Variants in PLAGL2 observed in about 807,000 individuals in gnomAD.
PLAGL2 encodes the protein zinc finger protein PLAGL2.
PLAGL2 carries 7 observed loss-of-function variants against 29.0 expected under a neutral mutation model. That is an observed-to-expected ratio of 0.24 (90% CI 0.14 to 0.45). The LOEUF (loss-of-function observed/expected upper bound fraction) is 0.45. PLAGL2 is among the 20% of genes least tolerant of loss of function. The pLI is 0.99. For missense variants in PLAGL2, 454 were observed against 648.2 expected (o/e 0.70, Z 3.25); for synonymous variants, 234 against 266.0 (o/e 0.88, Z 1.17).
chr20:32,197,959 T>A lies in PLAGL2; in HGVS notation c.261-277A>T, dbSNP rs908014478. On this transcript the variant is annotated intron_variant, in intron 2 of 2. Transcript: ENST00000246229. This position sits in a 1 kb window ranked among gnomAD's most constrained non-coding sequence, Gnocchi z 6.6. ...TCAATAGGGAACTGGTTACATAAAT[T>A]ATGATAAGTCCATAAAATGACTCAA... Among the ~76,000 whole-genome samples, 3 of 152,164 alleles carry A rather than the reference T, an allele frequency of 2.0e-5. No individual in the cohort carries two copies. The highest frequency in any genetic ancestry group is 7.2e-5 in the African/African-American group (3 of 41,428).
At chr20:32,198,930 T>G (rs1003915369) in intron 2 of PLAGL2, among the ~76,000 whole-genome samples, 2 of 152,176 alleles carry the variant, frequency 1.3e-5, no homozygotes, top group Non-Finnish European at 2.9e-5. Flanking sequence ...AAGAAATGTT[T>G]TAATGGTATG....
intron 1 of PLAGL2, among the ~76,000 whole-genome samples, chr20:32,203,446 G>A (rs1346595837): frequency 6.6e-6 from 1 of 152,192 alleles, no homozygotes; most frequent in African/African-American, 2.4e-5. Context: ...CTCAAAAGGG[G>A]ACAAGAGACC....
In PLAGL2 at chr20:32,195,299, C is replaced by T. The variant is rs1360711926; in HGVS notation, c.*1153G>A. On this transcript the variant is annotated 3_prime_UTR_variant, in exon 3 of 3. Transcript: ENST00000246229. ...ATTCCACAACTTCCCGGAAAAGGGA[C>T]AGGTGGGAGGAAGACCAATGAGGGG... is the stretch of plus-strand genomic sequence containing the variant. The T allele has an allele frequency of 4.6e-5, 7 of 152,692 alleles. No homozygotes were observed. Among genetic ancestry groups the T allele is most frequent in the African/African-American group, 1.4e-4 (6 of 41,454 alleles). 9.5% of individuals were successfully genotyped at this position (152,692 alleles called of 1,614,324 possible).
At chr20:32,199,460 A>G (rs2047247647) in intron 2 of PLAGL2, among the ~76,000 whole-genome samples, 3 of 152,200 alleles carry the variant, frequency 2.0e-5, no homozygotes, top group Admixed American at 2.0e-4. Flanking sequence ...ACAGTAAATT[A>G]TATGTGATGA....
chr20:32,197,792 G>A lies in PLAGL2; in HGVS notation c.261-110C>T. 1.1e-6 allele frequency: 1 copy of A among 877,988 alleles called. No individual in the cohort carries two copies. The highest frequency in any genetic ancestry group is 2.4e-5 in the East Asian group (1 of 40,936). 54.4% of individuals were successfully genotyped at this position (877,988 alleles called of 1,614,324 possible). ...ACAGGAAACTAGATATAAAAACCAT[G>A]GTAAAGGCTTGCAATGCAATACCAA... On this transcript the variant is annotated intron_variant, in intron 2 of 2. Coordinates refer to ENST00000246229, the MANE Select transcript of PLAGL2 (RefSeq NM_002657.3). This position sits in a 1 kb window ranked among gnomAD's most constrained non-coding sequence, Gnocchi z 6.6.
At chr20:32,199,513 G>A (rs73903569) in intron 2 of PLAGL2, among the ~76,000 whole-genome samples, 4 of 152,238 alleles carry the variant, frequency 2.6e-5, no homozygotes, top group East Asian at 1.9e-4. Flanking sequence ...TCCTGCAGCC[G>A]CCCACTGGCA....
Position 32,201,651 on chromosome 20 carries a change from A to G in PLAGL2, c.260+268T>C, listed in dbSNP as rs1336134395. ...GACATTGGCACCCAGATCGTCACTAAGAAGGTGTAAGAAGGCCAGGTGCAG... is the reference window on the plus strand; with the variant it reads ...GACATTGGCACCCAGATCGTCACTAGGAAGGTGTAAGAAGGCCAGGTGCAG... On this transcript the variant is annotated intron_variant, in intron 2 of 2. Coordinates refer to ENST00000246229, the MANE Select transcript of PLAGL2 (RefSeq NM_002657.3). Among the ~76,000 whole-genome samples, 4 of 152,346 alleles carry G rather than the reference A, an allele frequency of 2.6e-5. No homozygotes were observed. In the East Asian group the frequency reaches 7.7e-4, roughly 29 times the overall value.
rs1473273844 is a variant in PLAGL2, at chr20:32,197,263, C to T, written c.680G>A (p.Arg227Gln). 2 of 1,613,634 alleles carry T rather than the reference C, an allele frequency of 1.2e-6. No individual in the cohort carries two copies. The highest frequency in any genetic ancestry group is 1.7e-6 in the Non-Finnish European group (2 of 1,179,786). ...CGTCAGGTGGTCCTTACGGCCAAAC[C>T]GCTGGGCACAGTACTGGCACAGGAA... is the stretch of plus-strand genomic sequence containing the variant. ...KDFLCQYCAQ[R>Q]FGRKDHLTRH... The change falls in exon 3 of 3, where the codon CGG (arginine) becomes CAG (glutamine). Residue 227 changes from arginine to glutamine, a missense_variant. Physicochemically the swap from Arg to Gln is conservative, Grantham distance 43. Transcript: ENST00000246229. This position sits in a 1 kb window ranked among gnomAD's most constrained non-coding sequence, Gnocchi z 6.6.
chr20:32,203,151 G>A (rs1356266452), intron 1 of PLAGL2, among the ~76,000 whole-genome samples: 1 of 152,224 alleles, frequency 6.6e-6, no homozygotes, highest in Non-Finnish European at 1.5e-5. Flanking sequence ...CTGAGGGCTT[G>A]CATCATCTCT....
rs965838892 is a variant in PLAGL2 at position 32,194,511 on chromosome 20, C to T, written c.*1941G>A. ...TAAAAAGGTATCCCAAGCTACCCTG[C>T]CTAAATCAAAACACACTTACTCCAA... On this transcript the variant is annotated 3_prime_UTR_variant, in exon 3 of 3. Coordinates refer to ENST00000246229, the MANE Select transcript of PLAGL2 (RefSeq NM_002657.3). 31 of 152,572 alleles carry T rather than the reference C, an allele frequency of 2.0e-4. No individual in the cohort carries two copies. The highest frequency in any genetic ancestry group is 7.2e-4 in the African/African-American group (30 of 41,428). 9.5% of individuals were successfully genotyped at this position (152,572 alleles called of 1,614,324 possible).
rs760969143 is a variant in PLAGL2, at chr20:32,197,776, T to C, written c.261-94A>G. On this transcript the variant is annotated intron_variant, in intron 2 of 2. Coordinates refer to ENST00000246229, the MANE Select transcript of PLAGL2 (RefSeq NM_002657.3). This position sits in a 1 kb window ranked among gnomAD's most constrained non-coding sequence, Gnocchi z 6.6. Reference sequence around the variant, plus strand: ...CCAAAGGTGTCCATTAACAGGAAACTAGATATAAAAACCATGGTAAAGGCT... The same window carrying C: ...CCAAAGGTGTCCATTAACAGGAAACCAGATATAAAAACCATGGTAAAGGCT... 1.2e-5 allele frequency: 13 copies of C among 1,040,196 alleles called. No homozygotes were observed. Among genetic ancestry groups the C allele is most frequent in the Non-Finnish European group, 7.1e-6 (5 of 705,130 alleles). The allele number at this position is 1,040,196 out of a possible 1,614,324, so 64.4% of individuals were successfully genotyped here. A position where few individuals can be genotyped will look rare whatever the true frequency, so the allele number is the denominator to read the frequency against.
rs772666242 is a variant in PLAGL2 at position 32,196,791 on chromosome 20, C to T, written c.1152G>A (p.Pro384=). Residue 384 remains proline, a synonymous_variant, in exon 3 of 3, where the codon CCG becomes CCA. Transcript: ENST00000246229. The stretch of plus-strand genomic sequence containing the variant: ...CATCTAGGAGGGCCGCAGCTGCCGC[C>T]GGCTGAGGTGAGGCGGGCTGGGGTT... ...SAEPQPASPQ[P]AAAAALLDEA... is the part of the protein sequence containing the mutation. 6.8e-6 allele frequency: 11 copies of T among 1,610,858 alleles called. No individual in the cohort carries two copies. The highest frequency in any genetic ancestry group is 1.7e-4 in the Middle Eastern group (1 of 6,052).
intron 1 of PLAGL2, among the ~76,000 whole-genome samples, chr20:32,206,875 G>A (rs1600379782): frequency 6.6e-6 from 1 of 152,174 alleles, no homozygotes; most frequent in Non-Finnish European, 1.5e-5. Context: ...GAAGTCTGGA[G>A]GGAGTCTCTG....
At position 32,205,724 on chromosome 20, in the gene PLAGL2, G is replaced by GT. The variant is rs921181372; in HGVS notation, c.-115+1916dup. 2.0e-5 allele frequency among the ~76,000 whole-genome samples: 3 copies of GT among 152,276 alleles called. No homozygotes were observed. In the East Asian group the frequency reaches 5.8e-4, roughly 29 times the overall value. On this transcript the variant is annotated intron_variant, in intron 1 of 2. Transcript: ENST00000246229. ...TTGCTGTAAGGATTATTTTAGTGAG[G>GT]TATGCAAAGGGCTCAGCACAGAGCT...
Position 32,202,225 on chromosome 20 carries a change from T to C in PLAGL2, c.-47A>G. The stretch of plus-strand genomic sequence containing the variant: ...CCATGTTATTGAGAAAGCCTCCCCA[T>C]CCGCTCCACACAGGCTCTCAGCTCT... On this transcript the variant is annotated 5_prime_UTR_variant, in exon 2 of 3. An upstream start codon of the reference 5' UTR is lost. Transcript: ENST00000246229. 2 of 1,598,904 alleles carry C rather than the reference T, an allele frequency of 1.3e-6. No individual in the cohort carries two copies. The highest frequency in any genetic ancestry group is 1.7e-6 in the Non-Finnish European group (2 of 1,168,896).
At chr20:32,207,398 G>C (rs1486212146) in intron 1 of PLAGL2, among the ~76,000 whole-genome samples, 1 of 152,146 alleles carries the variant, frequency 6.6e-6, no homozygotes, top group East Asian at 1.9e-4. Flanking sequence ...GGAAGGGAGG[G>C]GACCGGTGGC....
At chr20:32,205,561 T>C (rs1447563624) in intron 1 of PLAGL2, among the ~76,000 whole-genome samples, 1 of 152,216 alleles carries the variant, frequency 6.6e-6, no homozygotes, top group Non-Finnish European at 1.5e-5. Flanking sequence ...CGTCCCCTGT[T>C]ATGGGCCATG....
At position 32,196,916 on chromosome 20, in the gene PLAGL2, G is replaced by C; in HGVS notation, c.1027C>G (p.Gln343Glu). The change falls in exon 3 of 3, where the codon CAG becomes GAG. Residue 343 changes from glutamine (Q) to glutamate (E), a missense_variant. Gln to Glu is a conservative substitution (Grantham distance 29). This residue lies in a region of PLAGL2 where 247 missense variants were observed against 350.3 expected (regional missense o/e 0.71). Coordinates refer to ENST00000246229, the MANE Select transcript of PLAGL2 (RefSeq NM_002657.3). Reference sequence around the variant, plus strand: ...GGCAAGTATGAGGTAGATCCAAGCTGGTATTTTGGAGGGAGCTGAGCTGGG... The same window carrying C: ...GGCAAGTATGAGGTAGATCCAAGCTCGTATTTTGGAGGGAGCTGAGCTGGG... ...SSPAQLPPKY[Q>E]LGSTSYLPDK... The C allele has an allele frequency of 6.2e-7, 1 of 1,614,090 alleles. No individual in the cohort carries two copies.
Position 32,196,264 on chromosome 20 carries a change from C to T in PLAGL2, c.*188G>A, listed in dbSNP as rs1378681718. On this transcript the variant is annotated 3_prime_UTR_variant, in exon 3 of 3. Coordinates refer to ENST00000246229, the MANE Select transcript of PLAGL2 (RefSeq NM_002657.3). ...GAGATCTTTTCACGGGGTTGGGGCT[C>T]AAGGCTCCTTCTGGAATCGATCCTA... The T allele has an allele frequency of 4.9e-6, 2 of 407,674 alleles. No individual in the cohort carries two copies. The highest frequency in any genetic ancestry group is 8.7e-6 in the Non-Finnish European group (2 of 231,050). The allele number at this position is 407,674 out of a possible 1,614,324, so 25.3% of individuals were successfully genotyped here.
Sources: allele counts gnomAD v4.1 joint callset (sites outside exome capture counted in the v4.1 genomes callset), GRCh38; gene constraint gnomAD v4.1.1; regional missense constraint gnomAD v4.1.1; non-coding constraint Gnocchi (gnomAD v3.1); transcripts MANE v1.5; gene names NCBI Gene and HGNC (gene_info 2026-07-23, HGNC 2026-07-21).